TRIP12: variants seen among roughly 807,000 people sequenced by gnomAD.
TRIP12 encodes the protein E3 ubiquitin-protein ligase TRIP12.
TRIP12 carries 25 observed loss-of-function variants against 244.2 expected under a neutral mutation model. That is an observed-to-expected ratio of 0.10 (90% CI 0.07 to 0.14). The LOEUF (loss-of-function observed/expected upper bound fraction) is 0.14. Ranked by LOEUF, TRIP12 falls within the 10% of genes least tolerant of loss-of-function variation. The pLI is 1.00. For missense variants in TRIP12, 1,677 were observed against 2,486.4 expected, an observed-to-expected ratio of 0.67 and a Z score of 6.92; for synonymous variants, 905 against 873.1, an observed-to-expected ratio of 1.04 and a Z score of -0.64.
At chr2:229,830,252 A>G (rs1207441208) in intron 7 of TRIP12, among the ~76,000 whole-genome samples, 1 of 152,234 alleles carries the variant, frequency 6.6e-6, no homozygotes, top group Non-Finnish European at 1.5e-5. Context: ...CAAACGCCTT[A>G]TTAAAACCCA....
At chr2:229,874,652 T>C (rs1204224564) in intron 2 of TRIP12, among the ~76,000 whole-genome samples, 1 of 152,112 alleles carries the variant, frequency 6.6e-6, no homozygotes, top group African/African-American at 2.4e-5. Flanking sequence ...CAAGTATACA[T>C]ATATTGATCT....
At position 229,820,926 on chromosome 2, in the gene TRIP12, T is replaced by C. The variant is rs573675018; in HGVS notation, c.1451-2414A>G. Among the ~76,000 whole-genome samples, 514 of 152,302 alleles carry C rather than the reference T, an allele frequency of 3.4e-3. 4 individuals are homozygous for C. Among genetic ancestry groups the C allele is most frequent in the South Asian group, 7.3e-3 (35 of 4,826 alleles). ...TTTCCAATCTGAATTTGGTTGCTAA[T>C]GTAGAACTCATGGATACAGAAAGCT... On this transcript the variant is annotated intron_variant, in intron 8 of 41. Coordinates refer to ENST00000675903, the MANE Select transcript of TRIP12 (RefSeq NM_001348323.3).
At chr2:229,805,642 G>T in intron 18 of TRIP12, 88 bp downstream of exon 18, 1 of 1,276,514 alleles carries the variant, frequency 7.8e-7, no homozygotes. Flanking sequence ...AGCTTAAAAA[G>T]ATACTTAATA....
At chr2:229,784,837 G>C (rs558145793) in intron 34 of TRIP12, among the ~76,000 whole-genome samples, 1 of 152,178 alleles carries the variant, frequency 6.6e-6, no homozygotes, top group Non-Finnish European at 1.5e-5. Flanking sequence ...TGTAAAATGT[G>C]ACAGCCACTT....
chr2:229,779,051 A>G, intron 34 of TRIP12, 61 bp from the exon 35 acceptor site: 3 of 1,385,876 alleles, frequency 2.2e-6, no homozygotes, highest in Non-Finnish European at 3.1e-6. Context: ...TTTACTGCCA[A>G]CCTCTTGGAA....
At chr2:229,819,614 C>T (rs769669811) in intron 8 of TRIP12, among the ~76,000 whole-genome samples, 45 of 152,150 alleles carry the variant, frequency 3.0e-4, no homozygotes, top group Non-Finnish European at 5.1e-4. Context: ...CACTTTCCTA[C>T]TTGAAACCAC....
In TRIP12 at chr2:229,766,572, G is replaced by A. The variant is rs539440480; in HGVS notation, c.*982C>T. The A allele has an allele frequency of 7.2e-5, 11 of 152,114 alleles. No homozygotes were observed. Among genetic ancestry groups the A allele is most frequent in the African/African-American group, 1.9e-4 (8 of 41,516 alleles). The allele number at this position is 152,114 out of a possible 1,614,324, so 9.4% of individuals were successfully genotyped here. A position where few individuals can be genotyped will look rare whatever the true frequency, so the allele number is the denominator to read the frequency against. On this transcript the variant is annotated 3_prime_UTR_variant, in exon 42 of 42. Transcript: ENST00000675903. ...GGGAAGAGGAGCGTGGAATAAAGAA[G>A]ACTATGAACAAAAACGTAAAACAAC...
chr2:229,900,198 T>C (rs1416356618), intron 1 of TRIP12, among the ~76,000 whole-genome samples: 1 of 152,196 alleles, frequency 6.6e-6, no homozygotes, highest in Non-Finnish European at 1.5e-5. Context: ...TTCTACAACC[T>C]AGGAATTAAA....
intron 8 of TRIP12, among the ~76,000 whole-genome samples, chr2:229,825,364 T>C (rs1363589914): frequency 6.6e-6 from 1 of 152,166 alleles, no homozygotes; most frequent in Non-Finnish European, 1.5e-5. Flanking sequence ...GGTCTCCAAA[T>C]ACAAAATAAA....
intron 22 of TRIP12, 76 bp downstream of exon 22, chr2:229,799,207 A>G: frequency 1.3e-6 from 2 of 1,545,744 alleles, no homozygotes; most frequent in East Asian, 2.2e-5. Context: ...AGCTACTGGC[A>G]GTTTTAATAA....
At chr2:229,864,160 C>T (rs1250413196) in intron 2 of TRIP12, among the ~76,000 whole-genome samples, 1 of 151,302 alleles carries the variant, frequency 6.6e-6, no homozygotes. Context: ...CATGTCTCTG[C>T]AAAATTATCC....
In TRIP12 at chr2:229,860,517, T is replaced by C; in HGVS notation, c.113A>G (p.Gln38Arg). The change falls in exon 3 of 42, where the codon CAG becomes CGG. Residue 38 changes from glutamine (Q) to arginine (R), a missense_variant. By Grantham distance (43) the Gln-to-Arg change is conservative. Transcript: ENST00000675903. Reference sequence around the variant, plus strand: ...AGGGCTATATCCCTTATGTTTTGCCTGCCCTAAATGTGACCTGTCAGCAGA... The same window carrying C: ...AGGGCTATATCCCTTATGTTTTGCCCGCCCTAAATGTGACCTGTCAGCAGA... ...DSIGGRSHLG[Q>R]AKHKGYSPPE... 2 of 1,602,114 alleles carry C rather than the reference T, an allele frequency of 1.2e-6. No homozygotes were observed. The highest frequency in any genetic ancestry group is 1.7e-6 in the Non-Finnish European group (2 of 1,175,096).
chr2:229,813,908 C>T lies in TRIP12; in HGVS notation c.1948G>A (p.Asp650Asn), dbSNP rs758932520. 2 of 1,586,350 alleles carry T rather than the reference C, an allele frequency of 1.3e-6. No individual in the cohort carries two copies. Among genetic ancestry groups the T allele is most frequent in the Admixed American group, 3.3e-5 (2 of 59,804 alleles). ...ITPDEFHFVA[D>N]SLPLLTQRLT... is the part of the protein sequence containing the mutation. ...CTTTGGGTTAGCAATGGGAGTGAAT[C>T]TGCCACAAAATGAAATTCATCTGGC... Residue 650 changes from aspartate to asparagine, a missense_variant, in exon 13 of 42, where the codon GAT becomes AAT. Around this residue, in one of 11 missense-constraint regions of TRIP12, gnomAD observed 572 missense variants for 867.8 expected, o/e 0.66. Coordinates refer to ENST00000675903, the MANE Select transcript of TRIP12 (RefSeq NM_001348323.3).
At chr2:229,912,122 T>C (rs1233262705) in intron 1 of TRIP12, among the ~76,000 whole-genome samples, 1 of 152,216 alleles carries the variant, frequency 6.6e-6, no homozygotes, top group Non-Finnish European at 1.5e-5. Flanking sequence ...GACTTCTGTG[T>C]CCAACAGAGG....
At chr2:229,866,933 A>G (rs2061596989) in intron 2 of TRIP12, among the ~76,000 whole-genome samples, 1 of 152,190 alleles carries the variant, frequency 6.6e-6, no homozygotes, top group Non-Finnish European at 1.5e-5. Context: ...CCCATACAGT[A>G]ACTGGCAAAT....
intron 8 of TRIP12, among the ~76,000 whole-genome samples, chr2:229,828,773 A>AAT (rs1553652193): frequency 4.0e-5 from 6 of 151,824 alleles, no homozygotes; most frequent in African/African-American, 1.2e-4. Context: ...TCTCAAAAAA[A>AAT]ATATATATAT....
At chr2:229,777,652 T>G (rs2036696603) in intron 36 of TRIP12, among the ~76,000 whole-genome samples, 173 bp from the exon 37 acceptor site, 1 of 152,232 alleles carries the variant, frequency 6.6e-6, no homozygotes, top group Non-Finnish European at 1.5e-5. Flanking sequence ...TTCTCTTGAT[T>G]TGGGGCTCTA....
In TRIP12 at chr2:229,797,804, C is replaced by T; in HGVS notation, c.3510G>A (p.Glu1170=). The change falls in exon 24 of 42, where the codon GAG becomes GAA. Residue 1170 remains glutamate, a synonymous_variant. Transcript: ENST00000675903. The part of the protein sequence containing the change: ...NREKIKGWIK[E]QAHKFVERYF... The stretch of plus-strand genomic sequence containing the variant: ...AACGTTCTACAAATTTATGTGCCTG[C>T]TCCTTAATCCAACCTTTAATTTTTT... 2 of 1,613,868 alleles carry T rather than the reference C, an allele frequency of 1.2e-6. No individual in the cohort carries two copies. Among genetic ancestry groups the T allele is most frequent in the Non-Finnish European group, 1.7e-6 (2 of 1,179,876 alleles).
intron 1 of TRIP12, among the ~76,000 whole-genome samples, chr2:229,900,033 T>C (rs1290783478): frequency 6.6e-6 from 1 of 152,238 alleles, no homozygotes; most frequent in African/African-American, 2.4e-5. Context: ...GGTTTGTTTT[T>C]AACTGACATG....
Sources: allele counts gnomAD v4.1 joint callset (sites outside exome capture counted in the v4.1 genomes callset), GRCh38; gene constraint gnomAD v4.1.1; regional missense constraint gnomAD v4.1.1; transcripts MANE v1.5; gene names NCBI Gene and HGNC (gene_info 2026-07-23, HGNC 2026-07-21).